SORCS2: variants seen among roughly 807,000 people sequenced by gnomAD.
The protein encoded by SORCS2 is VPS10 domain-containing receptor SorCS2.
In SORCS2, 100 loss-of-function variants were observed where a neutral mutation model predicts 141.6. The observed-to-expected ratio is 0.71, with a 90% CI of 0.60 to 0.83. The LOEUF is 0.83. Ranked by LOEUF, SORCS2 falls within the 40% of genes least tolerant of loss-of-function variation. The pLI is 0.00. For missense variants in SORCS2, 1,646 were observed against 1,560.2 expected, an observed-to-expected ratio of 1.05 and a Z score of -0.93; for synonymous variants, 789 against 676.9, an observed-to-expected ratio of 1.17 and a Z score of -2.57.
chr4:7,248,689 T>A (rs1713290613), intron 1 of SORCS2, among the ~76,000 whole-genome samples: 1 of 152,226 alleles, frequency 6.6e-6, no homozygotes, highest in South Asian at 2.1e-4. Flanking sequence ...TATTCCTCTT[T>A]CCGGGTGTAC....
chr4:7,373,228 C>G lies in SORCS2; in HGVS notation c.481-23060C>G, dbSNP rs7686566. 3.0e-3 allele frequency among the ~76,000 whole-genome samples: 458 copies of G among 151,502 alleles called. 1 individual carries two copies. Among genetic ancestry groups the G allele is most frequent in the African/African-American group, 9.2e-3 (379 of 41,370 alleles). On this transcript the variant is annotated intron_variant, in intron 1 of 26. Coordinates refer to ENST00000507866, the MANE Select transcript of SORCS2 (RefSeq NM_020777.3). ...AGGTATGAGAGTTCTGGTTGCTCCA[C>G]GTCCTCTTCAGCACTTTTTTCAACT... is the stretch of plus-strand genomic sequence containing the variant.
intron 19 of SORCS2, among the ~76,000 whole-genome samples, chr4:7,724,144 G>C (rs1439726155): frequency 1.6e-5 from 2 of 128,466 alleles, no homozygotes; most frequent in Non-Finnish European, 3.3e-5. Flanking sequence ...TGGTGGTGAT[G>C]GTCGTGGTGG....
intron 2 of SORCS2, among the ~76,000 whole-genome samples, chr4:7,452,773 C>T (rs139719230): frequency 3.9e-5 from 6 of 152,142 alleles, no homozygotes; most frequent in African/African-American, 1.4e-4. Context: ...TCCAGCAGAG[C>T]GTAAGAGCTT....
chr4:7,513,874 C>T (rs558242412), intron 2 of SORCS2, among the ~76,000 whole-genome samples: 3 of 152,306 alleles, frequency 2.0e-5, no homozygotes, highest in Non-Finnish European at 2.9e-5. Flanking sequence ...GTTTGCTTGC[C>T]TGGAGAGCAG....
rs145350926 is a variant in SORCS2 at position 7,470,898 on chromosome 4, G to T, written c.549-60632G>T. The stretch of plus-strand genomic sequence containing the variant: ...GGTTCTCTGCAAACATCTCACGCTT[G>T]CAGGGAGGTGATGTCAGAGTGATGA... On this transcript the variant is annotated intron_variant, in intron 2 of 26. Coordinates refer to ENST00000507866, the MANE Select transcript of SORCS2 (RefSeq NM_020777.3). 4.1e-4 allele frequency among the ~76,000 whole-genome samples: 62 copies of T among 152,326 alleles called. No homozygotes were observed. The East Asian group carries it at 0.011, about 28-fold the overall frequency.
chr4:7,616,982 C>T (rs1199698163), intron 3 of SORCS2, among the ~76,000 whole-genome samples: 3 of 152,206 alleles, frequency 2.0e-5, no homozygotes, highest in African/African-American at 4.8e-5. Context: ...TGCAGGGCTC[C>T]AGCAGGTGGA....
At chr4:7,709,102 C>G (rs1725661195) in intron 14 of SORCS2, among the ~76,000 whole-genome samples, 1 of 152,178 alleles carries the variant, frequency 6.6e-6, no homozygotes, top group African/African-American at 2.4e-5. Flanking sequence ...GGAAGGGAGT[C>G]CCGCCACCAG....
At chr4:7,613,565 C>A (rs1718561268) in intron 3 of SORCS2, among the ~76,000 whole-genome samples, 1 of 152,166 alleles carries the variant, frequency 6.6e-6, no homozygotes, top group South Asian at 2.1e-4. Flanking sequence ...GAGAAAGTGG[C>A]CCACTAAAGA....
At chr4:7,716,585 T>C (rs1402582422) in intron 17 of SORCS2, among the ~76,000 whole-genome samples, 1 of 151,822 alleles carries the variant, frequency 6.6e-6, no homozygotes, top group African/African-American at 2.4e-5. Flanking sequence ...TATCCATCTA[T>C]CTACCCATCA....
intron 1 of SORCS2, among the ~76,000 whole-genome samples, chr4:7,391,576 G>T (rs1723867451): frequency 6.6e-6 from 1 of 152,146 alleles, no homozygotes; most frequent in Non-Finnish European, 1.5e-5. Context: ...GGACTTCAGG[G>T]TTCTTTTCCT....
intron 2 of SORCS2, among the ~76,000 whole-genome samples, chr4:7,402,233 T>G (rs1724639088): frequency 6.6e-6 from 1 of 152,200 alleles, no homozygotes; most frequent in Admixed American, 6.5e-5. Context: ...TACACTATGA[T>G]AGCTTCTCTC....
At chr4:7,290,187 A>G (rs547179700) in intron 1 of SORCS2, among the ~76,000 whole-genome samples, 1 of 152,212 alleles carries the variant, frequency 6.6e-6, no homozygotes, top group African/African-American at 2.4e-5. Flanking sequence ...GCCCTTATGT[A>G]TTTGTCAGGA....
intron 2 of SORCS2, among the ~76,000 whole-genome samples, chr4:7,530,541 G>A (rs375509987): frequency 1.3e-5 from 2 of 152,202 alleles, no homozygotes; most frequent in South Asian, 2.1e-4. Flanking sequence ...ATTCTGCATC[G>A]ATAGAGCAGG....
At chr4:7,203,451 G>A (rs925915740) in intron 1 of SORCS2, among the ~76,000 whole-genome samples, 7 of 146,998 alleles carry the variant, frequency 4.8e-5, no homozygotes, top group African/African-American at 7.5e-5. Context: ...CTTTAGAGAC[G>A]GAGATTGCAG....
chr4:7,490,707 G>A (rs1731265356), intron 2 of SORCS2, among the ~76,000 whole-genome samples: 1 of 152,206 alleles, frequency 6.6e-6, no homozygotes, highest in Admixed American at 6.5e-5. Flanking sequence ...AATGGGGGCA[G>A]GTTGTTTGCA....
intron 8 of SORCS2, among the ~76,000 whole-genome samples, chr4:7,668,950 A>G (rs1722651269): frequency 6.6e-6 from 1 of 152,152 alleles, no homozygotes; most frequent in Admixed American, 6.5e-5. Flanking sequence ...CTGGGCCAGC[A>G]GTCAGCCTGC....
At chr4:7,345,379 G>A (rs1720597752) in intron 1 of SORCS2, among the ~76,000 whole-genome samples, 1 of 152,216 alleles carries the variant, frequency 6.6e-6, no homozygotes, top group African/African-American at 2.4e-5. Context: ...AATCCTTCAT[G>A]CTGTTGTTGG....
intron 3 of SORCS2, among the ~76,000 whole-genome samples, chr4:7,594,627 C>T (rs1717139089): frequency 6.6e-6 from 1 of 152,126 alleles, no homozygotes; most frequent in South Asian, 2.1e-4. Context: ...CCCTCCCTTC[C>T]TAATTTAGGA....
chr4:7,637,106 C>T (rs1422256201), intron 3 of SORCS2, among the ~76,000 whole-genome samples: 1 of 152,234 alleles, frequency 6.6e-6, no homozygotes, highest in African/African-American at 2.4e-5. Context: ...CAGATGGCTT[C>T]ATCCTGAGAT....
Sources: allele counts gnomAD v4.1 joint callset (sites outside exome capture counted in the v4.1 genomes callset), GRCh38; gene constraint gnomAD v4.1.1; transcripts MANE v1.5; gene names NCBI Gene and HGNC (gene_info 2026-07-23, HGNC 2026-07-21).